Variants in TRPM3 observed in about 807,000 individuals in gnomAD.
TRPM3 encodes the protein transient receptor potential cation channel subfamily M member 3, also known as long transient receptor potential channel 3.
Under a neutral mutation model 181.2 loss-of-function variants are expected in TRPM3, and 77 were observed. That is an observed-to-expected ratio of 0.42 (90% CI 0.35 to 0.51). TRPM3 has a LOEUF of 0.51. Ranked by LOEUF, TRPM3 falls within the 20% of genes least tolerant of loss-of-function variation. The pLI is 0.01. For synonymous variants in TRPM3, 745 were observed against 796.4 expected (o/e 0.94, Z 1.09); for missense variants, 1,759 against 2,196.7 (o/e 0.80, Z 3.98).
intron 3 of TRPM3, among the ~76,000 whole-genome samples, chr9:70,850,401 T>C (rs2095178393): frequency 1.3e-5 from 2 of 152,080 alleles, no homozygotes; most frequent in South Asian, 4.2e-4. Flanking sequence ...AAGAGACATA[T>C]TTATAATGAA....
intron 7 of TRPM3, among the ~76,000 whole-genome samples, chr9:70,762,669 T>C (rs1351700498): frequency 1.3e-5 from 2 of 152,166 alleles, no homozygotes; most frequent in African/African-American, 2.4e-5. Context: ...CTAAATAAAA[T>C]AGTAAAATAA....
At chr9:71,128,285 G>A (rs2074170443) in intron 1 of TRPM3, among the ~76,000 whole-genome samples, 1 of 152,152 alleles carries the variant, frequency 6.6e-6, no homozygotes, top group African/African-American at 2.4e-5. Context: ...AGGTATATAA[G>A]CAGCTTCCAC....
At chr9:70,783,586 A>G (rs1383920572) in intron 7 of TRPM3, among the ~76,000 whole-genome samples, 1 of 152,198 alleles carries the variant, frequency 6.6e-6, no homozygotes, top group Non-Finnish European at 1.5e-5. Context: ...GGACCAGAGT[A>G]GTTACCATTA....
At chr9:71,335,109 A>G (rs1367528130) in intron 1 of TRPM3, among the ~76,000 whole-genome samples, 2 of 152,196 alleles carry the variant, frequency 1.3e-5, no homozygotes, top group Non-Finnish European at 2.9e-5. Flanking sequence ...AAAATTATGG[A>G]TAAAAGCAAC....
At chr9:71,196,217 G>A (rs2078349301) in intron 1 of TRPM3, among the ~76,000 whole-genome samples, 1 of 151,360 alleles carries the variant, frequency 6.6e-6, no homozygotes, top group Non-Finnish European at 1.5e-5. Flanking sequence ...TGCTCTACCT[G>A]TGGTATATTT....
At chr9:71,404,449 T>C (rs138961963) in intron 1 of TRPM3, among the ~76,000 whole-genome samples, 37 of 152,290 alleles carry the variant, frequency 2.4e-4, no homozygotes, top group Non-Finnish European at 2.8e-4. Context: ...TATTCATCTC[T>C]CTTTTTTCTA....
chr9:71,250,526 A>G (rs1309536646), intron 1 of TRPM3, among the ~76,000 whole-genome samples: 2 of 152,176 alleles, frequency 1.3e-5, no homozygotes, highest in Non-Finnish European at 2.9e-5. Flanking sequence ...CAAGAAAAGT[A>G]TTGGTTTACT....
chr9:71,021,929 T>C (rs565338695), intron 1 of TRPM3, among the ~76,000 whole-genome samples: 7 of 152,086 alleles, frequency 4.6e-5, no homozygotes, highest in Non-Finnish European at 1.0e-4. Flanking sequence ...CATTGAGAGA[T>C]AAATAGGCAA....
chr9:71,419,574 G>A (rs2093694479), intron 1 of TRPM3, among the ~76,000 whole-genome samples: 1 of 151,786 alleles, frequency 6.6e-6, no homozygotes, highest in Non-Finnish European at 1.5e-5. Flanking sequence ...TGGGGTAATA[G>A]CAAAAGAGAA....
At chr9:71,046,678 A>G (rs983740990) in intron 1 of TRPM3, among the ~76,000 whole-genome samples, 1 of 152,158 alleles carries the variant, frequency 6.6e-6, no homozygotes, top group Non-Finnish European at 1.5e-5. Flanking sequence ...TCTTCTTAAC[A>G]ATTAAAGGAA....
intron 1 of TRPM3, among the ~76,000 whole-genome samples, chr9:70,884,699 T>C (rs1362440094): frequency 6.6e-6 from 1 of 152,238 alleles, no homozygotes; most frequent in Non-Finnish European, 1.5e-5. Flanking sequence ...TCCTGCTTCA[T>C]AGAGCTAGAG....
At chr9:71,208,041 G>A (rs2079234366) in intron 1 of TRPM3, among the ~76,000 whole-genome samples, 1 of 152,132 alleles carries the variant, frequency 6.6e-6, no homozygotes, top group South Asian at 2.1e-4. Flanking sequence ...ACAGAGTAGG[G>A]CCGGAATTAT....
chr9:70,838,521 A>T (rs1455024660), intron 5 of TRPM3, among the ~76,000 whole-genome samples: 2 of 152,172 alleles, frequency 1.3e-5, no homozygotes. Context: ...TGTTATAGAA[A>T]CCTGAAAAGA....
At chr9:71,063,539 T>G (rs181670080) in intron 1 of TRPM3, among the ~76,000 whole-genome samples, 2 of 152,142 alleles carry the variant, frequency 1.3e-5, no homozygotes, top group African/African-American at 4.8e-5. Context: ...ACTGTAAAAA[T>G]CTTCATGGGA....
At chr9:71,045,509 T>C (rs1461776879) in intron 1 of TRPM3, among the ~76,000 whole-genome samples, 3 of 152,206 alleles carry the variant, frequency 2.0e-5, no homozygotes, top group Admixed American at 6.5e-5. Context: ...ATATCACAGA[T>C]ACTTAATAAA....
At chr9:71,183,949 C>A (rs1177965905) in intron 1 of TRPM3, among the ~76,000 whole-genome samples, 1 of 152,072 alleles carries the variant, frequency 6.6e-6, no homozygotes, top group East Asian at 1.9e-4. Flanking sequence ...ATAAAAAATT[C>A]AGAAGCAATT....
At chr9:71,373,106 C>T (rs113034007) in intron 1 of TRPM3, among the ~76,000 whole-genome samples, 2,423 of 152,070 alleles carry the variant, frequency 0.016, 70 homozygotes, top group African/African-American at 0.051. Context: ...CCAGAGTCTC[C>T]GGGATGTGGC....
chr9:71,015,341 T>G (rs556128615), intron 1 of TRPM3, among the ~76,000 whole-genome samples: 31 of 152,308 alleles, frequency 2.0e-4, no homozygotes, highest in Middle Eastern at 3.4e-3. Context: ...ATTTTCTATC[T>G]TCCTATTAGT....
intron 1 of TRPM3, among the ~76,000 whole-genome samples, chr9:71,049,386 C>T (rs1385134286): frequency 1.3e-5 from 2 of 152,108 alleles, no homozygotes; most frequent in East Asian, 3.9e-4. Flanking sequence ...TACTCCAAAT[C>T]CTAGAACATA....
Sources: allele counts gnomAD v4.1 joint callset (sites outside exome capture counted in the v4.1 genomes callset), GRCh38; gene constraint gnomAD v4.1.1; transcripts MANE v1.5; gene names NCBI Gene and HGNC (gene_info 2026-07-23, HGNC 2026-07-21).